The following GALNT13 variants were observed in gnomAD, a reference collection of about 807,000 sequenced individuals.
GALNT13 encodes the protein polypeptide N-acetylgalactosaminyltransferase 13.
In GALNT13, 28 loss-of-function variants were observed where a neutral mutation model predicts 64.2. The ratio of observed to expected loss-of-function variants is 0.44; its 90% CI spans 0.32 to 0.60. The LOEUF is 0.60. GALNT13 is among the 20% of genes least tolerant of loss of function. GALNT13 has a pLI of 0.05. For synonymous variants in GALNT13, 214 were observed against 224.6 expected, an observed-to-expected ratio of 0.95 and a Z score of 0.42; for missense variants, 577 against 669.8, an observed-to-expected ratio of 0.86 and a Z score of 1.53.
chr2:153,853,741 GTATAA>G, the GALNT13 span, among the ~76,000 whole-genome samples: 7 of 149,460 alleles, frequency 4.7e-5, no homozygotes, highest in Admixed American at 2.7e-4. Context: ...TTATACAATT[GTATAA>G]TATAATTATA....
At chr2:153,719,122 T>C in the GALNT13 span, among the ~76,000 whole-genome samples, 5 of 152,240 alleles carry the variant, frequency 3.3e-5, no homozygotes, top group Admixed American at 6.5e-5. Context: ...TATTTAATGT[T>C]GATACTGTTA....
At chr2:153,351,303 T>G in the GALNT13 span, among the ~76,000 whole-genome samples, 4 of 152,186 alleles carry the variant, frequency 2.6e-5, no homozygotes, top group Admixed American at 1.3e-4. Context: ...AATTTTCTAT[T>G]AGGCTATTTT....
At chr2:153,402,636 C>CT in the GALNT13 span, among the ~76,000 whole-genome samples, 19 of 152,138 alleles carry the variant, frequency 1.2e-4, no homozygotes, top group Admixed American at 3.3e-4. Context: ...TCTTTTTATT[C>CT]TTTTTTCTCT....
the GALNT13 span, among the ~76,000 whole-genome samples, chr2:153,837,081 A>C: frequency 1.3e-5 from 2 of 149,060 alleles, no homozygotes; most frequent in African/African-American, 4.9e-5. Context: ...GGGAATCGCC[A>C]CACTGACTTC....
At chr2:153,470,444 G>T in the GALNT13 span, among the ~76,000 whole-genome samples, 1 of 152,166 alleles carries the variant, frequency 6.6e-6, no homozygotes, top group Admixed American at 6.5e-5. Flanking sequence ...ATGCCAACTG[G>T]GCCAGAGTTC....
the GALNT13 span, among the ~76,000 whole-genome samples, chr2:153,507,050 T>C: frequency 0.18 from 27,743 of 152,106 alleles, 2,988 homozygotes; most frequent in Admixed American, 0.31. Context: ...AATTCTTTTT[T>C]CTTTGTCTTT....
chr2:153,149,895 C>T, the GALNT13 span, among the ~76,000 whole-genome samples: 120 of 151,870 alleles, frequency 7.9e-4, no homozygotes, highest in Middle Eastern at 3.4e-3. Flanking sequence ...ATAAGAGGAA[C>T]ATTTATTTTA....
At chr2:154,073,905 G>A (rs892573521) in intron 3 of GALNT13, among the ~76,000 whole-genome samples, 6 of 151,820 alleles carry the variant, frequency 4.0e-5, no homozygotes, top group Admixed American at 3.9e-4. Context: ...TTCAAAGGCA[G>A]ATTTGAGAAT....
chr2:154,186,255 C>A (rs1686243941), intron 4 of GALNT13, among the ~76,000 whole-genome samples: 1 of 151,932 alleles, frequency 6.6e-6, no homozygotes, highest in African/African-American at 2.4e-5. Context: ...TGTTAAATGA[C>A]AGTTTGTCTG....
intron 9 of GALNT13, among the ~76,000 whole-genome samples, chr2:154,306,748 C>CT (rs1038389990): frequency 6.6e-6 from 1 of 151,892 alleles, no homozygotes; most frequent in Non-Finnish European, 1.5e-5. Flanking sequence ...GATTACCCGT[C>CT]TGAGTGGTAT....
the GALNT13 span, among the ~76,000 whole-genome samples, chr2:153,325,494 C>T: frequency 4.3e-3 from 653 of 152,242 alleles, 16 homozygotes; most frequent in East Asian, 0.058. Flanking sequence ...GTGTCTGTCT[C>T]CTTCAGTTCT....
chr2:153,861,926 C>G, the GALNT13 span, among the ~76,000 whole-genome samples: 1 of 152,110 alleles, frequency 6.6e-6, no homozygotes, highest in Non-Finnish European at 1.5e-5. Flanking sequence ...GGTCTTATAT[C>G]AATTTTTAAA....
At chr2:154,311,924 A>C (rs1171501141) in intron 9 of GALNT13, among the ~76,000 whole-genome samples, 2 of 152,232 alleles carry the variant, frequency 1.3e-5, no homozygotes, top group East Asian at 1.9e-4. Flanking sequence ...GTTTAAGGTT[A>C]TCTCTCTTAT....
At chr2:153,231,031 A>G in the GALNT13 span, among the ~76,000 whole-genome samples, 2 of 152,102 alleles carry the variant, frequency 1.3e-5, no homozygotes, top group Non-Finnish European at 2.9e-5. Context: ...CTGACTGGAG[A>G]TATCGATTAA....
chr2:153,116,958 C>A, the GALNT13 span, among the ~76,000 whole-genome samples: 2 of 151,758 alleles, frequency 1.3e-5, no homozygotes, highest in African/African-American at 4.8e-5. Flanking sequence ...CGCCACCACG[C>A]CCGGCTAATA....
chr2:153,711,475 C>T, the GALNT13 span, among the ~76,000 whole-genome samples: 4 of 152,088 alleles, frequency 2.6e-5, no homozygotes, highest in African/African-American at 9.7e-5. Context: ...GCGGCCATGC[C>T]TAGAAGCACC....
At chr2:153,560,414 C>A in the GALNT13 span, among the ~76,000 whole-genome samples, 249 of 151,800 alleles carry the variant, frequency 1.6e-3, 1 homozygote, top group African/African-American at 5.0e-3. Flanking sequence ...TTTCCTCTCC[C>A]AGGTTAAAAA....
the GALNT13 span, among the ~76,000 whole-genome samples, chr2:153,438,418 T>C: frequency 2.0e-5 from 3 of 152,202 alleles, no homozygotes; most frequent in Non-Finnish European, 2.9e-5. Context: ...TCCTGCAGAG[T>C]GTTTTCCAAC....
intron 9 of GALNT13, among the ~76,000 whole-genome samples, chr2:154,303,582 G>T (rs1438536682): frequency 6.6e-6 from 1 of 151,952 alleles, no homozygotes; most frequent in Admixed American, 6.6e-5. Flanking sequence ...AAACCTTACT[G>T]AGGACTCCTG....
Sources: gnomAD v4.1 joint callset for allele counts (sites outside exome capture counted in the v4.1 genomes callset) on GRCh38, gnomAD v4.1.1 for gene constraint, MANE v1.5 for transcripts, NCBI Gene and HGNC (gene_info 2026-07-23, HGNC 2026-07-21) for gene names.